Variants in TBC1D30 observed in about 807,000 individuals in gnomAD.
TBC1D30 encodes the protein TBC1 domain family, member 30.
A neutral mutation model predicts 63.2 loss-of-function variants in TBC1D30; 31 were observed. The observed-to-expected ratio is 0.49, with a 90% confidence interval of 0.37 to 0.66. The LOEUF (loss-of-function observed/expected upper bound fraction) is 0.66, where lower values mean the gene tolerates loss of function less well. Ranked by LOEUF, TBC1D30 falls within the 30% of genes least tolerant of loss-of-function variation. The pLI is 0.00. For missense variants in TBC1D30, 810 were observed against 953.6 expected, an observed-to-expected ratio of 0.85 and a Z score of 1.98; for synonymous variants, 307 against 361.5, an observed-to-expected ratio of 0.85 and a Z score of 1.71.
At chr12:64,828,381 A>G (rs1218597554) in intron 2 of TBC1D30, 63 bp from the exon 3 acceptor site, 3 of 1,207,504 alleles carry the variant, frequency 2.5e-6, no homozygotes, top group East Asian at 2.5e-5. Context: ...GATGGGAAAA[A>G]GATTGCAAAG....
At chr12:64,849,049 G>A (rs2136419761) in intron 8 of TBC1D30, among the ~76,000 whole-genome samples, 1 of 152,298 alleles carries the variant, frequency 6.6e-6, no homozygotes, top group South Asian at 2.1e-4. Context: ...TCTTTCATAT[G>A]TTTGTTGGCT....
intron 8 of TBC1D30, among the ~76,000 whole-genome samples, chr12:64,864,046 C>T (rs1878006492): frequency 6.6e-6 from 1 of 151,816 alleles, no homozygotes; most frequent in Non-Finnish European, 1.5e-5. Flanking sequence ...AGGTGCTTTT[C>T]CCCATTTTTA....
chr12:64,828,265 G>GTCTTTGTTATCAAGCA (rs1016325149), intron 2 of TBC1D30, among the ~76,000 whole-genome samples, 179 bp from the exon 3 acceptor site: 1 of 152,232 alleles, frequency 6.6e-6, no homozygotes, highest in Non-Finnish European at 1.5e-5. Flanking sequence ...CAAGGGGTGG[G>GTCTTTGTTATCAAGCA]ACGTGGCACA....
intron 8 of TBC1D30, among the ~76,000 whole-genome samples, chr12:64,862,790 T>G (rs962296067): frequency 6.6e-6 from 1 of 152,202 alleles, no homozygotes; most frequent in Admixed American, 6.5e-5. Flanking sequence ...TCTGAACACA[T>G]TTCTAAACTG....
At chr12:64,825,055 A>C in intron 1 of TBC1D30, 22 bp downstream of exon 1, 1 of 1,524,318 alleles carries the variant, frequency 6.6e-7, no homozygotes, top group East Asian at 2.5e-5. Flanking sequence ...AGGGCTGCAG[A>C]TGGGGCGCTG....
At chr12:64,860,948 A>G (rs1382515887) in intron 8 of TBC1D30, among the ~76,000 whole-genome samples, 1 of 152,246 alleles carries the variant, frequency 6.6e-6, no homozygotes, top group Non-Finnish European at 1.5e-5. Flanking sequence ...ATAAGGCAAC[A>G]TCTCATTTCG....
At chr12:64,828,341 G>A in intron 2 of TBC1D30, 103 bp from the exon 3 acceptor site, 1 of 817,590 alleles carries the variant, frequency 1.2e-6, no homozygotes, top group South Asian at 1.6e-5. Flanking sequence ...ATTGTGCTGT[G>A]CAAATTTCAG....
chr12:64,828,070 A>G (rs1473360361), intron 2 of TBC1D30, among the ~76,000 whole-genome samples, 174 bp downstream of exon 2: 1 of 152,240 alleles, frequency 6.6e-6, no homozygotes, highest in Non-Finnish European at 1.5e-5. Context: ...TTATATTTGC[A>G]GTGACAAATT....
intron 11 of TBC1D30, among the ~76,000 whole-genome samples, chr12:64,872,196 T>G (rs1249396474): frequency 1.3e-5 from 2 of 152,176 alleles, no homozygotes; most frequent in African/African-American, 4.8e-5. Flanking sequence ...CCTGGCTGAT[T>G]CTTGTATTTT....
chr12:64,872,408 A>G (rs1010493252), intron 11 of TBC1D30, among the ~76,000 whole-genome samples: 54 of 152,162 alleles, frequency 3.5e-4, no homozygotes, highest in African/African-American at 1.3e-3. Context: ...TACAGTGGCT[A>G]AAATATTTAC....
At chr12:64,865,780 T>C (rs192309960) in intron 9 of TBC1D30, among the ~76,000 whole-genome samples, 1 of 152,256 alleles carries the variant, frequency 6.6e-6, no homozygotes, top group Admixed American at 6.5e-5. Context: ...TGCTTGCGCC[T>C]AGGAGTTTGT....
At chr12:64,818,785 T>C (rs1565655550) in intron 2 of TBC1D30, 2 of 152,192 alleles carry the variant, frequency 1.3e-5, no homozygotes, top group African/African-American at 4.8e-5. Flanking sequence ...CATAATTTTC[T>C]CTCTCATAGT....
chr12:64,810,061 G>A (rs372540790), intron 2 of TBC1D30, among the ~76,000 whole-genome samples: 86 of 151,740 alleles, frequency 5.7e-4, no homozygotes, highest in African/African-American at 2.0e-3. Flanking sequence ...TTAACCCCTC[G>A]TCCATATGGC....
At chr12:64,853,095 C>T (rs138750391) in intron 8 of TBC1D30, among the ~76,000 whole-genome samples, 48 of 152,328 alleles carry the variant, frequency 3.2e-4, no homozygotes, top group South Asian at 1.2e-3. Context: ...CCACAGCTGC[C>T]CCTTCCCCCA....
intron 1 of TBC1D30, among the ~76,000 whole-genome samples, chr12:64,775,363 G>A (rs1484867777): frequency 2.0e-5 from 3 of 152,036 alleles, no homozygotes; most frequent in African/African-American, 7.2e-5. Flanking sequence ...ATGACCTAGT[G>A]GTATGCTGTC....
In TBC1D30 at chr12:64,825,015, C is replaced by T. The variant is rs1461991512; in HGVS notation, c.136C>T (p.Leu46=). 6.5e-7 allele frequency: 1 copy of T among 1,533,498 alleles called. No individual in the cohort carries two copies. The highest frequency in any genetic ancestry group is 2.4e-5 in the East Asian group (1 of 40,872). 95.0% of individuals were successfully genotyped at this position (1,533,498 alleles called of 1,614,324 possible). ...CATTTCCCGGACCGCGCCCCGGCTG[C>T]TGTGCACCCTGGAGCCGGGTGAGGA... is the stretch of plus-strand genomic sequence containing the variant. ...SCISRTAPRL[L]CTLEPGVDTK... The change falls in exon 1 of 12, where the codon CTG becomes TTG. Residue 46 remains leucine (L), a synonymous_variant. Transcript: ENST00000539867.
upstream of TBC1D30, among the ~76,000 whole-genome samples, chr12:64,775,709 T>C (rs939498121): frequency 1.3e-5 from 2 of 152,102 alleles, no homozygotes; most frequent in Non-Finnish European, 2.9e-5. Flanking sequence ...CTGACAATAT[T>C]AGACAGATCA....
chr12:64,873,190 G>A (rs967441029), intron 11 of TBC1D30, among the ~76,000 whole-genome samples: 8 of 152,184 alleles, frequency 5.3e-5, no homozygotes, highest in Non-Finnish European at 8.8e-5. Context: ...CGAAGTTAGG[G>A]AGGATGGGAA....
intron 2 of TBC1D30, among the ~76,000 whole-genome samples, chr12:64,808,308 A>G (rs1873002840): frequency 2.0e-5 from 3 of 152,106 alleles, no homozygotes; most frequent in Admixed American, 2.0e-4. Flanking sequence ...TTTTGACCAC[A>G]TAGTCTGATT....
Sources: gnomAD v4.1 joint callset for allele counts (sites outside exome capture counted in the v4.1 genomes callset) on GRCh38, gnomAD v4.1.1 for gene constraint, MANE v1.5 for transcripts, NCBI Gene and HGNC (gene_info 2026-07-23, HGNC 2026-07-21) for gene names.